ZNF212: variants seen among roughly 807,000 people sequenced by gnomAD.
ZNF212 encodes zinc finger protein 212.
A neutral mutation model predicts 47.3 loss-of-function variants in ZNF212; 32 were observed. The observed-to-expected ratio is 0.68, with a 90% CI of 0.51 to 0.91. The LOEUF (loss-of-function observed/expected upper bound fraction) is 0.91, where lower values mean the gene tolerates loss of function less well. Among genes scored for constraint, ZNF212 ranks in the 40% least tolerant of loss-of-function variants. ZNF212 has a pLI of 0.00. For missense variants in ZNF212, 555 were observed against 622.8 expected (o/e 0.89, Z 1.16); for synonymous variants, 242 against 253.8 (o/e 0.95, Z 0.44).
At chr7:149,239,856 C>G in intron 1 of ZNF212, 54 bp downstream of exon 1, 1 of 1,263,982 alleles carries the variant, frequency 7.9e-7, no homozygotes, top group Non-Finnish European at 1.0e-6. Context: ...GGCGGAGTCC[C>G]CTGCCGGGGG....
At position 149,254,179 on chromosome 7, in the gene ZNF212, A is replaced by G; in HGVS notation, c.1252A>G (p.Ile418Val). 1 of 1,614,252 alleles carries G rather than the reference A, an allele frequency of 6.2e-7. No homozygotes were observed. Among genetic ancestry groups the G allele is most frequent in the South Asian group, 1.1e-5 (1 of 91,086 alleles). The change falls in exon 5 of 5, where the codon ATC becomes GTC. Residue 418 changes from isoleucine to valine, a missense_variant. Coordinates refer to ENST00000335870, the MANE Select transcript of ZNF212 (RefSeq NM_012256.4). The surrounding 1 kb of genome is among the most constrained non-coding windows in gnomAD (Gnocchi z 4.5). The stretch of plus-strand genomic sequence containing the variant: ...CAGCCTGGTTGCCCTGCCTGGCCAC[A>G]TCCCTTGGAGGAAAAGCCGGAGTTC... Reference protein sequence around the residue: ...PNSLVALPGHIPWRKSRSSLI... With the variant: ...PNSLVALPGHVPWRKSRSSLI...
intron 1 of ZNF212, among the ~76,000 whole-genome samples, chr7:149,240,382 A>ACCCCC (rs71194632): frequency 1.8e-5 from 2 of 109,352 alleles, no homozygotes; most frequent in African/African-American, 3.5e-5. Context: ...TCTCTCCTTC[A>ACCCCC]CCCCCCCCCC....
chr7:149,240,997 T>G (rs1796580009), intron 1 of ZNF212, among the ~76,000 whole-genome samples: 1 of 152,248 alleles, frequency 6.6e-6, no homozygotes, highest in African/African-American at 2.4e-5. Flanking sequence ...TAAGCTAGGC[T>G]GAGCCAGTCA....
At chr7:149,240,382 A>ACCCCCCCCCCCCCCCCCCCCCCCCCCCCC (rs71194632) in intron 1 of ZNF212, among the ~76,000 whole-genome samples, 3 of 109,354 alleles carry the variant, frequency 2.7e-5, no homozygotes, top group African/African-American at 7.0e-5. Context: ...TCTCTCCTTC[A>ACCCCCCCCCCCCCCCCCCCCCCCCCCCCC]CCCCCCCCCC....
Position 149,253,771 on chromosome 7 carries a change from A to G in ZNF212, c.844A>G (p.Ser282Gly), listed in dbSNP as rs145899726. ...EPVGSRVPSS[S>G]RTVGCPKQKS... is the part of the protein sequence containing the mutation. ...TGTTGGTAGTAGAGTTCCTAGCAGC[A>G]GCAGAACTGTGGGCTGCCCGAAGCA... The change falls in exon 5 of 5, where the codon AGC becomes GGC. Residue 282 changes from serine (S) to glycine (G), a missense_variant. Transcript: ENST00000335870. 7.1e-5 allele frequency: 114 copies of G among 1,614,026 alleles called. No individual in the cohort carries two copies. Among genetic ancestry groups the G allele is most frequent in the African/African-American group, 4.0e-4 (30 of 74,934 alleles).
rs994082748 is a variant in ZNF212 at position 149,254,778 on chromosome 7, G to A, written c.*363G>A. 1 of 248,372 alleles carries A rather than the reference G, an allele frequency of 4.0e-6. No homozygotes were observed. The highest frequency in any genetic ancestry group is 9.0e-5 in the East Asian group (1 of 11,052). 15.4% of individuals were successfully genotyped at this position (248,372 alleles called of 1,614,324 possible). A position where few individuals can be genotyped will look rare whatever the true frequency, so the allele number is the denominator to read the frequency against. ...CACGGGGTTGAGTCGGGCCATAGGG[G>A]TGAGCAGCTGCCTGGAAGAGTTCTG... is the stretch of plus-strand genomic sequence containing the variant. On this transcript the variant is annotated 3_prime_UTR_variant, in exon 5 of 5. Coordinates refer to ENST00000335870, the MANE Select transcript of ZNF212 (RefSeq NM_012256.4). The surrounding 1 kb of genome is among the most constrained non-coding windows in gnomAD (Gnocchi z 4.5).
chr7:149,252,815 TC>T lies in ZNF212; in HGVS notation c.631+21del, dbSNP rs1241345669. On this transcript the variant is annotated intron_variant, in intron 4 of 4. Coordinates refer to ENST00000335870, the MANE Select transcript of ZNF212 (RefSeq NM_012256.4). ...ACCCAGGTGAGTGGCTCTGGAATAT[TC>T]TGTTCCCCTTCCATAGCCCTCTGTA... 6.2e-7 allele frequency: 1 copy of T among 1,611,614 alleles called. No individual in the cohort carries two copies. Among genetic ancestry groups the T allele is most frequent in the Non-Finnish European group, 8.5e-7 (1 of 1,178,570 alleles).
At chr7:149,245,335 G>A (rs548625993) in intron 1 of ZNF212, among the ~76,000 whole-genome samples, 38 of 144,282 alleles carry the variant, frequency 2.6e-4, no homozygotes, top group African/African-American at 9.0e-4. Flanking sequence ...CAGCCTGGGC[G>A]ACAGAGCGAG....
At chr7:149,251,941 TAAAAAA>T (rs36067111) in intron 3 of ZNF212, among the ~76,000 whole-genome samples, 7 of 109,534 alleles carry the variant, frequency 6.4e-5, no homozygotes, top group Non-Finnish European at 9.2e-5. Context: ...CTCTGTTGCT[TAAAAAA>T]AAAAAAAAAA....
In ZNF212 at chr7:149,254,408, T is replaced by C; in HGVS notation, c.1481T>C (p.Leu494Pro). ...CTGGAGCCCGGAAGGCCCAATGGCC[T>C]GCTTTAAGGGTGCAGCCCCTCGCCC... ...LALEPGRPNG[L>P]L The change falls in exon 5 of 5, where the codon CTG (leucine) becomes CCG (proline). Residue 494 changes from leucine to proline, a missense_variant. By Grantham distance (98) the Leu-to-Pro change is moderately conservative. Coordinates refer to ENST00000335870, the MANE Select transcript of ZNF212 (RefSeq NM_012256.4). The surrounding 1 kb of genome is among the most constrained non-coding windows in gnomAD (Gnocchi z 4.5). 5 of 1,599,392 alleles carry C rather than the reference T, an allele frequency of 3.1e-6. No homozygotes were observed. The highest frequency in any genetic ancestry group is 4.2e-6 in the Non-Finnish European group (5 of 1,178,320).
chr7:149,241,532 T>G (rs1006945139), intron 1 of ZNF212, among the ~76,000 whole-genome samples: 2 of 152,174 alleles, frequency 1.3e-5, no homozygotes, highest in African/African-American at 2.4e-5. Context: ...CTTGAGCCTG[T>G]TTCTCTTCTC....
chr7:149,250,486 C>T lies in ZNF212; in HGVS notation c.352C>T (p.Leu118=). The change falls in exon 2 of 5, where the codon CTG becomes TTG. Residue 118 remains leucine, a synonymous_variant. Coordinates refer to ENST00000335870, the MANE Select transcript of ZNF212 (RefSeq NM_012256.4). ...GCGGCTGGAGAACGTGGAGAACCTG[C>T]TGCGCAACAGGAACTTCTGGATCCT... is the stretch of plus-strand genomic sequence containing the variant. The part of the protein sequence containing the change: ...QRRLENVENL[L]RNRNFWILRL... The T allele has an allele frequency of 6.2e-7, 1 of 1,614,068 alleles. No individual in the cohort carries two copies. Among genetic ancestry groups the T allele is most frequent in the African/African-American group, 1.3e-5 (1 of 75,046 alleles).
intron 1 of ZNF212, among the ~76,000 whole-genome samples, chr7:149,241,431 CAA>C (rs35747561): frequency 3.4e-4 from 26 of 76,738 alleles, no homozygotes; most frequent in African/African-American, 1.2e-3. Flanking sequence ...GACTCTGTCT[CAA>C]AAAAAAAAAA....
intron 1 of ZNF212, among the ~76,000 whole-genome samples, chr7:149,241,763 G>C (rs1285480716): frequency 6.6e-6 from 1 of 152,166 alleles, no homozygotes; most frequent in Non-Finnish European, 1.5e-5. Flanking sequence ...TGGTGTTTAT[G>C]ATTCAAGGGA....
rs1217464107 is a variant in ZNF212 at position 149,250,381 on chromosome 7, G to A, written c.247G>A (p.Ala83Thr). ...GAAGCTGGCTGACTGCGAGAAGATG[G>A]CCGTGGAGTTCGGGAACCAGCTGGA... ...EKKLADCEKM[A>T]VEFGNQLEGK... Residue 83 changes from alanine (A) to threonine (T), a missense_variant, in exon 2 of 5, where the codon GCC becomes ACC. Physicochemically the swap from Ala to Thr is moderately conservative, Grantham distance 58. Transcript: ENST00000335870. The A allele has an allele frequency of 1.2e-6, 2 of 1,614,196 alleles. No homozygotes were observed. The highest frequency in any genetic ancestry group is 2.2e-5 in the South Asian group (2 of 91,080).
intron 1 of ZNF212, among the ~76,000 whole-genome samples, chr7:149,240,390 C>A (rs73725466): frequency 0.033 from 4,958 of 149,546 alleles, 301 homozygotes; most frequent in African/African-American, 0.12. Context: ...TCACCCCCCC[C>A]CCAACACCCC....
At chr7:149,244,206 G>T (rs1796642307) in intron 1 of ZNF212, among the ~76,000 whole-genome samples, 1 of 151,682 alleles carries the variant, frequency 6.6e-6, no homozygotes, top group Non-Finnish European at 1.5e-5. Context: ...AAGGGTTGGG[G>T]TTACAGGCAC....
chr7:149,253,140 T>A (rs1796782522), intron 4 of ZNF212, among the ~76,000 whole-genome samples: 1 of 151,982 alleles, frequency 6.6e-6, no homozygotes, highest in African/African-American at 2.4e-5. Flanking sequence ...AGTAGGTAAT[T>A]TGGGAGGTTA....
Position 149,254,744 on chromosome 7 carries a change from A to C in ZNF212, c.*329A>C. On this transcript the variant is annotated 3_prime_UTR_variant, in exon 5 of 5. Transcript: ENST00000335870. This position sits in a 1 kb window ranked among gnomAD's most constrained non-coding sequence, Gnocchi z 4.5. The stretch of plus-strand genomic sequence containing the variant: ...GTTCCAGGGCTCGTCCCGGCATTTC[A>C]TGTCTTCCCACGGGGTTGAGTCGGG... 1 of 303,676 alleles carries C rather than the reference A, an allele frequency of 3.3e-6. No homozygotes were observed. The highest frequency in any genetic ancestry group is 6.7e-5 in the East Asian group (1 of 15,004). 18.8% of individuals were successfully genotyped at this position (303,676 alleles called of 1,614,324 possible).
Sources: gnomAD v4.1 joint callset for allele counts (sites outside exome capture counted in the v4.1 genomes callset) on GRCh38, gnomAD v4.1.1 for gene constraint, Gnocchi (gnomAD v3.1) non-coding constraint, MANE v1.5 for transcripts, NCBI Gene and HGNC (gene_info 2026-07-23, HGNC 2026-07-21) for gene names.